ARK2N: variants seen among roughly 807,000 people sequenced by gnomAD.
ARK2N encodes arkadia (RNF111) N-terminal like PKA signaling regulator 2N.
chr18:46,193,538 C>T, the ARK2N span, among the ~76,000 whole-genome samples: 1 of 151,096 alleles, frequency 6.6e-6, no homozygotes, highest in African/African-American at 2.4e-5. Flanking sequence ...ATCCACCCAC[C>T]TCGGCCTCCC....
At chr18:46,194,672 C>T in the ARK2N span, among the ~76,000 whole-genome samples, 15 of 150,108 alleles carry the variant, frequency 1.0e-4, no homozygotes, top group African/African-American at 3.4e-4. Context: ...GACGGGGTTC[C>T]ACCATGTTGA....
chr18:46,197,451 C>T, the ARK2N span, among the ~76,000 whole-genome samples: 28 of 152,248 alleles, frequency 1.8e-4, no homozygotes, highest in African/African-American at 6.7e-4. Flanking sequence ...CCAGGTTTGT[C>T]TCGAACTCCT....
At chr18:46,183,856 C>T in the ARK2N span, among the ~76,000 whole-genome samples, 6 of 152,118 alleles carry the variant, frequency 3.9e-5, no homozygotes, top group African/African-American at 1.4e-4. Context: ...TAGAGTCTTG[C>T]TCTGTCGCCC....
the ARK2N span, chr18:46,228,631 A>T: frequency 2.5e-6 from 1 of 393,142 alleles, no homozygotes; most frequent in Non-Finnish European, 4.5e-6. Flanking sequence ...TGTCATCTAC[A>T]CTGGAGTGCA....
the ARK2N span, among the ~76,000 whole-genome samples, chr18:46,209,290 CT>C: frequency 0.067 from 9,263 of 138,586 alleles, 312 homozygotes; most frequent in East Asian, 0.12. Flanking sequence ...TACTTCTCCA[CT>C]TTTTTTTTTT....
the ARK2N span, among the ~76,000 whole-genome samples, chr18:46,225,396 A>G: frequency 6.6e-6 from 1 of 152,248 alleles, no homozygotes; most frequent in African/African-American, 2.4e-5. Context: ...TTGTATTGAC[A>G]ATCTGCGTTT....
the ARK2N span, among the ~76,000 whole-genome samples, chr18:46,260,693 C>T: frequency 1.3e-5 from 2 of 152,214 alleles, no homozygotes; most frequent in Non-Finnish European, 2.9e-5. Flanking sequence ...CTAAACTCTT[C>T]TTTGCCGCTT....
chr18:46,240,285 C>T, the ARK2N span: 1 of 1,288,268 alleles, frequency 7.8e-7, no homozygotes, highest in South Asian at 1.5e-5. Flanking sequence ...ACAGGTCATA[C>T]CAGAGACATC....
chr18:46,196,820 G>A, the ARK2N span, among the ~76,000 whole-genome samples: 1 of 152,180 alleles, frequency 6.6e-6, no homozygotes, highest in Non-Finnish European at 1.5e-5. Context: ...CATTTGCAAG[G>A]TGACTCACTC....
At chr18:46,216,259 G>T in the ARK2N span, 1 of 1,613,948 alleles carries the variant, frequency 6.2e-7, no homozygotes. This position sits in a 1 kb window ranked among gnomAD's most constrained non-coding sequence, Gnocchi z 4.3. Context: ...GGTAGAAGGA[G>T]ACCCTTCAGG....
the ARK2N span, among the ~76,000 whole-genome samples, chr18:46,190,239 G>A: frequency 1.3e-5 from 2 of 152,066 alleles, no homozygotes; most frequent in Non-Finnish European, 2.9e-5. Flanking sequence ...AGCTTTTCAG[G>A]CCGGGCGTGG....
the ARK2N span, chr18:46,239,977 AC>A: frequency 6.2e-7 from 1 of 1,602,386 alleles, no homozygotes; most frequent in Non-Finnish European, 8.6e-7. Flanking sequence ...CACGTTAGAT[AC>A]AAGTATACAT....
At chr18:46,247,806 G>T in the ARK2N span, among the ~76,000 whole-genome samples, 1 of 152,186 alleles carries the variant, frequency 6.6e-6, no homozygotes, top group Non-Finnish European at 1.5e-5. Flanking sequence ...TGAGTAGCTG[G>T]GACTACAGGG....
chr18:46,199,782 A>G, the ARK2N span, among the ~76,000 whole-genome samples: 5 of 152,030 alleles, frequency 3.3e-5, no homozygotes, highest in Non-Finnish European at 5.9e-5. Context: ...CTCCTTCCCA[A>G]TCTTCTTCAG....
chr18:46,255,706 C>A, the ARK2N span, among the ~76,000 whole-genome samples: 2 of 151,840 alleles, frequency 1.3e-5, no homozygotes, highest in Admixed American at 1.3e-4. Context: ...CCACCTCGGC[C>A]TCCCAAAGTG....
the ARK2N span, among the ~76,000 whole-genome samples, chr18:46,182,677 A>T: frequency 2.1e-5 from 3 of 142,812 alleles, no homozygotes; most frequent in African/African-American, 7.8e-5. Context: ...GTCATTAGCC[A>T]CAGTGCTTTT....
chr18:46,201,284 C>T, the ARK2N span, among the ~76,000 whole-genome samples: 1 of 151,980 alleles, frequency 6.6e-6, no homozygotes, highest in African/African-American at 2.4e-5. Flanking sequence ...TATGCCTGAC[C>T]TTGGTTTTGT....
the ARK2N span, among the ~76,000 whole-genome samples, chr18:46,204,577 G>A: frequency 6.6e-6 from 1 of 152,192 alleles, no homozygotes; most frequent in African/African-American, 2.4e-5. Context: ...ATGTGGAGCA[G>A]CAATATAAGT....
the ARK2N span, among the ~76,000 whole-genome samples, chr18:46,257,478 T>TA: frequency 5.3e-5 from 8 of 152,214 alleles, no homozygotes; most frequent in Non-Finnish European, 8.8e-5. Flanking sequence ...ACGCATATTT[T>TA]ATGATTGCCT....
Sources: gnomAD v4.1 joint callset for allele counts (sites outside exome capture counted in the v4.1 genomes callset) on GRCh38, gnomAD v4.1.1 for gene constraint, Gnocchi (gnomAD v3.1) non-coding constraint, MANE v1.5 for transcripts, NCBI Gene and HGNC (gene_info 2026-07-23, HGNC 2026-07-21) for gene names.